L3MBTL3: variants seen among roughly 807,000 people sequenced by gnomAD.
The protein encoded by L3MBTL3 is lethal(3)malignant brain tumor-like protein 3.
Under a neutral mutation model 102.3 loss-of-function variants are expected in L3MBTL3, and 27 were observed. That is an observed-to-expected ratio of 0.26 (90% confidence interval 0.19 to 0.36). The LOEUF is 0.36. L3MBTL3 is among the 10% of genes least tolerant of loss of function. The pLI is 1.00. For missense variants in L3MBTL3, 798 were observed against 955.3 expected (o/e 0.84, Z 2.17); for synonymous variants, 340 against 320.9 (o/e 1.06, Z -0.64).
intron 13 of L3MBTL3, 34 bp downstream of exon 13, chr6:130,071,161 TTAA>T (rs757776784): frequency 6.3e-7 from 1 of 1,576,784 alleles, no homozygotes; most frequent in South Asian, 1.1e-5. Flanking sequence ...TTTTAAAAAT[TTAA>T]TATTTATCCA....
chr6:130,138,674 C>G (rs534576565), intron 22 of L3MBTL3, among the ~76,000 whole-genome samples: 1 of 152,194 alleles, frequency 6.6e-6, no homozygotes, highest in African/African-American at 2.4e-5. Context: ...CAACCCATAA[C>G]GGAGTGCGTT....
At chr6:130,116,315 T>C (rs1785672759) in intron 19 of L3MBTL3, among the ~76,000 whole-genome samples, 1 of 152,238 alleles carries the variant, frequency 6.6e-6, no homozygotes, top group African/African-American at 2.4e-5. Context: ...ATCCTTGTTT[T>C]ACCAATGATG....
chr6:130,058,682 T>A (rs1781688852), intron 9 of L3MBTL3, among the ~76,000 whole-genome samples: 1 of 152,164 alleles, frequency 6.6e-6, no homozygotes, highest in Non-Finnish European at 1.5e-5. Flanking sequence ...GCACGTGGTC[T>A]CTGTTGCAAC....
At position 130,052,922 on chromosome 6, in the gene L3MBTL3, G is replaced by C; in HGVS notation, c.513G>C (p.Arg171=). 1 of 1,613,988 alleles carries C rather than the reference G, an allele frequency of 6.2e-7. No individual in the cohort carries two copies. Among genetic ancestry groups the C allele is most frequent in the South Asian group, 1.1e-5 (1 of 91,068 alleles). ...AGGAAGAAGATCCTAAGTGTAGTCG[G>C]AAGAAAAAACCAAAATTATCTCTGA... ...DNEEEDPKCS[R]KKKPKLSLKA... The change falls in exon 7 of 23, where the codon CGG becomes CGC. Residue 171 remains arginine (R), a synonymous_variant. Coordinates refer to ENST00000361794, the MANE Select transcript of L3MBTL3 (RefSeq NM_032438.4).
intron 10 of L3MBTL3, among the ~76,000 whole-genome samples, chr6:130,061,161 T>A (rs1435356259): frequency 6.8e-6 from 1 of 147,524 alleles, no homozygotes; most frequent in East Asian, 2.1e-4. Context: ...CTTGGCTCAC[T>A]ACAACCTCCA....
chr6:130,033,139 G>T (rs1779833356), intron 2 of L3MBTL3, among the ~76,000 whole-genome samples: 1 of 152,180 alleles, frequency 6.6e-6, no homozygotes, highest in African/African-American at 2.4e-5. Flanking sequence ...TAAGAGTAGG[G>T]CAAATCTTGA....
intron 8 of L3MBTL3, 65 bp from the exon 9 acceptor site, chr6:130,057,341 C>A: frequency 1.6e-6 from 2 of 1,269,896 alleles, no homozygotes; most frequent in African/African-American, 1.5e-5. Context: ...CGTGTGAGTT[C>A]ACAGATGCAT....
chr6:130,023,018 C>A (rs1193804080), intron 2 of L3MBTL3, among the ~76,000 whole-genome samples: 1 of 152,156 alleles, frequency 6.6e-6, no homozygotes, highest in Non-Finnish European at 1.5e-5. Flanking sequence ...TAGAACATTT[C>A]AGTACATTTT....
chr6:130,069,905 A>G (rs928106129), intron 12 of L3MBTL3, among the ~76,000 whole-genome samples: 7 of 152,252 alleles, frequency 4.6e-5, no homozygotes, highest in African/African-American at 1.7e-4. Flanking sequence ...TTAAATGCAT[A>G]GTAAAGATTT....
intron 16 of L3MBTL3, among the ~76,000 whole-genome samples, chr6:130,091,089 T>C (rs1009514569): frequency 6.6e-6 from 1 of 152,210 alleles, no homozygotes; most frequent in African/African-American, 2.4e-5. Context: ...TCTTTCATTT[T>C]ATTTTATAAT....
chr6:130,050,017 T>C (rs1198401291), intron 5 of L3MBTL3, among the ~76,000 whole-genome samples, 187 bp downstream of exon 5: 1 of 152,232 alleles, frequency 6.6e-6, no homozygotes, highest in Non-Finnish European at 1.5e-5. Context: ...CTGTTACTTA[T>C]ACCTCTTGAT....
intron 10 of L3MBTL3, among the ~76,000 whole-genome samples, chr6:130,062,145 C>A (rs931228911): frequency 3.9e-5 from 6 of 152,104 alleles, no homozygotes; most frequent in African/African-American, 1.4e-4. Context: ...TTTACCTTCC[C>A]TATTTTTTAT....
At chr6:130,037,873 T>A (rs1410551506) in intron 2 of L3MBTL3, among the ~76,000 whole-genome samples, 1 of 152,172 alleles carries the variant, frequency 6.6e-6, no homozygotes, top group Non-Finnish European at 1.5e-5. Context: ...TACTAGAACT[T>A]ACTTCTCTTA....
At chr6:130,077,167 CA>C (rs1169314791) in intron 13 of L3MBTL3, among the ~76,000 whole-genome samples, 15 of 151,948 alleles carry the variant, frequency 9.9e-5, no homozygotes, top group Non-Finnish European at 1.8e-4. Context: ...TATGAATTAA[CA>C]TCCTTCCCTA....
chr6:130,054,818 G>A (rs918461866), intron 7 of L3MBTL3, among the ~76,000 whole-genome samples: 6 of 152,216 alleles, frequency 3.9e-5, no homozygotes, highest in African/African-American at 1.2e-4. Context: ...AAAGAGTAGA[G>A]AAGGGAACTG....
chr6:130,020,671 A>T (rs1026485651), intron 1 of L3MBTL3: 1 of 151,942 alleles, frequency 6.6e-6, no homozygotes, highest in Non-Finnish European at 1.5e-5. Context: ...AGACGGAGGT[A>T]AACGTTGCTT....
Position 130,120,027 on chromosome 6 carries a change from C to T in L3MBTL3, c.1887-852C>T, listed in dbSNP as rs1057328514. Among the ~76,000 whole-genome samples, 11 of 152,096 alleles carry T rather than the reference C, an allele frequency of 7.2e-5. 1 individual carries two copies. Among genetic ancestry groups the T allele is most frequent in the Admixed American group, 5.2e-4 (8 of 15,268 alleles). On this transcript the variant is annotated intron_variant, in intron 19 of 22. Transcript: ENST00000361794. The stretch of plus-strand genomic sequence containing the variant: ...ATGCTCTGGATCTTTAAGAAACTCA[C>T]GTATATTTGTAACGGTAACAGCATG...
At chr6:130,050,601 A>G (rs1781038686) in intron 5 of L3MBTL3, among the ~76,000 whole-genome samples, 1 of 152,198 alleles carries the variant, frequency 6.6e-6, no homozygotes, top group African/African-American at 2.4e-5. Flanking sequence ...ACATTTTATT[A>G]TAAATACTGG....
intron 20 of L3MBTL3, among the ~76,000 whole-genome samples, chr6:130,131,486 G>A (rs961782281): frequency 2.0e-5 from 3 of 152,140 alleles, no homozygotes; most frequent in Admixed American, 6.6e-5. Context: ...TGGTATATGT[G>A]CAATGGAAAC....
Sources: gnomAD v4.1 joint callset for allele counts (sites outside exome capture counted in the v4.1 genomes callset) on GRCh38, gnomAD v4.1.1 for gene constraint, MANE v1.5 for transcripts, NCBI Gene and HGNC (gene_info 2026-07-23, HGNC 2026-07-21) for gene names.